SLC4A10: variants seen among roughly 807,000 people sequenced by gnomAD.
The protein encoded by SLC4A10 is sodium-driven chloride bicarbonate exchanger.
SLC4A10 carries 42 observed loss-of-function variants against 137.7 expected under a neutral mutation model. That is an observed-to-expected ratio of 0.30 (90% confidence interval 0.24 to 0.39). SLC4A10 has a LOEUF of 0.39. Ranked by LOEUF, SLC4A10 falls within the 10% of genes least tolerant of loss-of-function variation. The pLI, the probability that SLC4A10 is intolerant of heterozygous loss-of-function variation, is 1.00. For missense variants in SLC4A10, 925 were observed against 1,355.0 expected (o/e 0.68, Z 4.98); for synonymous variants, 474 against 464.1 (o/e 1.02, Z -0.27).
intron 1 of SLC4A10, among the ~76,000 whole-genome samples, chr2:161,641,626 A>G (rs984568347): frequency 2.0e-5 from 3 of 152,092 alleles, no homozygotes; most frequent in Non-Finnish European, 4.4e-5. Flanking sequence ...TTAGATTTTT[A>G]ACATATTCAT....
intron 1 of SLC4A10, among the ~76,000 whole-genome samples, chr2:161,660,900 T>A (rs934457775): frequency 6.6e-6 from 1 of 151,662 alleles, no homozygotes; most frequent in Non-Finnish European, 1.5e-5. Flanking sequence ...GACCTAGTGA[T>A]CCACCTGCCT....
At chr2:161,845,536 A>G (rs1224189523) in intron 4 of SLC4A10, among the ~76,000 whole-genome samples, 1 of 152,054 alleles carries the variant, frequency 6.6e-6, no homozygotes, top group African/African-American at 2.4e-5. Flanking sequence ...TCTGAAAAGA[A>G]CTCCATTCTT....
chr2:161,635,092 T>C (rs533260387), intron 1 of SLC4A10, among the ~76,000 whole-genome samples: 1 of 152,172 alleles, frequency 6.6e-6, no homozygotes, highest in Non-Finnish European at 1.5e-5. Context: ...GAACCAAGGG[T>C]CTTGGGAATT....
At chr2:161,944,456 A>T (rs1258851926) in intron 16 of SLC4A10, among the ~76,000 whole-genome samples, 2 of 151,854 alleles carry the variant, frequency 1.3e-5, no homozygotes, top group Non-Finnish European at 3.0e-5. Context: ...TTGAATTTTG[A>T]GAGTTCTAAG....
intron 1 of SLC4A10, among the ~76,000 whole-genome samples, chr2:161,687,433 T>C (rs899177598): frequency 2.0e-5 from 3 of 152,194 alleles, no homozygotes; most frequent in Non-Finnish European, 2.9e-5. Flanking sequence ...AATTTTAAAA[T>C]AATGTCTTGG....
chr2:161,736,669 A>G (rs1364461902), intron 1 of SLC4A10, among the ~76,000 whole-genome samples: 2 of 152,174 alleles, frequency 1.3e-5, no homozygotes, highest in African/African-American at 4.8e-5. Flanking sequence ...ACCATGATTC[A>G]ATTATCTCTC....
At chr2:161,962,489 G>A (rs1214039113) in intron 21 of SLC4A10, among the ~76,000 whole-genome samples, 1 of 152,146 alleles carries the variant, frequency 6.6e-6, no homozygotes, top group South Asian at 2.1e-4. Context: ...CCTCTACCAT[G>A]CACCAAGTTT....
At chr2:161,976,010 G>A (rs1345499477) in intron 24 of SLC4A10, among the ~76,000 whole-genome samples, 1 of 152,198 alleles carries the variant, frequency 6.6e-6, no homozygotes, top group Non-Finnish European at 1.5e-5. Context: ...AAGGAGGGAA[G>A]TGATCTGGTT....
At chr2:161,971,435 A>G (rs1022415359) in intron 23 of SLC4A10, among the ~76,000 whole-genome samples, 2 of 152,204 alleles carry the variant, frequency 1.3e-5, no homozygotes, top group Non-Finnish European at 2.9e-5. Flanking sequence ...TCTACCTTTC[A>G]TCATCATCCC....
intron 2 of SLC4A10, among the ~76,000 whole-genome samples, chr2:161,800,556 C>T (rs2125583326): frequency 6.6e-6 from 1 of 151,996 alleles, no homozygotes; most frequent in African/African-American, 2.4e-5. Context: ...AATGAAAAGC[C>T]TAGGATGAAA....
At chr2:161,810,278 G>T (rs1358814119) in intron 3 of SLC4A10, among the ~76,000 whole-genome samples, 2 of 151,884 alleles carry the variant, frequency 1.3e-5, no homozygotes, top group Non-Finnish European at 1.5e-5. Flanking sequence ...AGTCTTTAGG[G>T]TTTTCTATTT....
chr2:161,924,847 A>G (rs1316442995), intron 15 of SLC4A10, among the ~76,000 whole-genome samples: 1 of 152,166 alleles, frequency 6.6e-6, no homozygotes, highest in Admixed American at 6.6e-5. Context: ...AGCAGAGACC[A>G]TGTTCTTGAG....
intron 16 of SLC4A10, 141 bp from the exon 17 acceptor site, chr2:161,947,425 A>G (rs1443350891): frequency 1.2e-6 from 1 of 807,722 alleles, no homozygotes; most frequent in Non-Finnish European, 1.8e-6. Context: ...CTCGTAATGT[A>G]ATGCCTGCTA....
chr2:161,703,929 C>G (rs1220681774), intron 1 of SLC4A10, among the ~76,000 whole-genome samples: 1 of 151,590 alleles, frequency 6.6e-6, no homozygotes, highest in Admixed American at 6.6e-5. Flanking sequence ...ATAGAAATGG[C>G]CAGCCTCCAT....
intron 1 of SLC4A10, among the ~76,000 whole-genome samples, chr2:161,693,337 TC>T: frequency 6.6e-6 from 1 of 152,000 alleles, no homozygotes. Context: ...ACAAATCTTA[TC>T]CCAGCTTTCA....
chr2:161,823,754 G>T (rs996767821), intron 3 of SLC4A10, among the ~76,000 whole-genome samples: 1 of 152,218 alleles, frequency 6.6e-6, no homozygotes, highest in Admixed American at 6.5e-5. Flanking sequence ...TTTTGTAAGA[G>T]AAAGGATATC....
chr2:161,967,374 T>C (rs1259281380), intron 23 of SLC4A10, among the ~76,000 whole-genome samples: 1 of 152,190 alleles, frequency 6.6e-6, no homozygotes, highest in Non-Finnish European at 1.5e-5. Context: ...TGAACTGGAA[T>C]AAGTGGGTTG....
chr2:161,909,085 G>A (rs1285459428), intron 15 of SLC4A10, among the ~76,000 whole-genome samples: 8 of 112,434 alleles, frequency 7.1e-5, no homozygotes, highest in Non-Finnish European at 1.4e-4. Flanking sequence ...ACTGTTGTGG[G>A]GTGGGGGGAG....
chr2:161,784,075 GC>G (rs1164100464), intron 2 of SLC4A10, among the ~76,000 whole-genome samples: 1 of 151,678 alleles, frequency 6.6e-6, no homozygotes, highest in Non-Finnish European at 1.5e-5. Flanking sequence ...TGAAAAACGA[GC>G]AAGAGTGACT....
Sources: allele counts gnomAD v4.1 joint callset (sites outside exome capture counted in the v4.1 genomes callset), GRCh38; gene constraint gnomAD v4.1.1; transcripts MANE v1.5; gene names NCBI Gene and HGNC (gene_info 2026-07-23, HGNC 2026-07-21).